Variants in CFAP20DC observed in about 807,000 individuals in gnomAD.
The protein encoded by CFAP20DC is CFAP20 domain containing, also known as protein CFAP20DC.
A neutral mutation model predicts 101.7 loss-of-function variants in CFAP20DC; 84 were observed. That is an observed-to-expected ratio of 0.83 (90% CI 0.69 to 0.99). The LOEUF is 0.99. Ranked by LOEUF, CFAP20DC falls within the 50% of genes least tolerant of loss-of-function variation. CFAP20DC has a pLI of 0.00. For missense variants in CFAP20DC, 1,007 were observed against 970.3 expected, an observed-to-expected ratio of 1.04 and a Z score of -0.50; for synonymous variants, 359 against 351.2, an observed-to-expected ratio of 1.02 and a Z score of -0.25.
At chr3:58,765,490 C>CAAAAAAAAAAAAAAAAAAAAAAAGAA (rs1337049385) in intron 15 of CFAP20DC, among the ~76,000 whole-genome samples, 1 of 81,828 alleles carries the variant, frequency 1.2e-5, no homozygotes, top group Non-Finnish European at 2.5e-5. Context: ...AAAAAAAAAC[C>CAAAAAAAAAAAAAAAAAAAAAAAGAA]AAAAAAAAAA....
intron 5 of CFAP20DC, among the ~76,000 whole-genome samples, chr3:58,935,777 G>A (rs1229664209): frequency 6.6e-5 from 10 of 152,178 alleles, no homozygotes; most frequent in African/African-American, 9.6e-5. Context: ...TTAATTCAAG[G>A]TGGATTAAAG....
intron 16 of CFAP20DC, among the ~76,000 whole-genome samples, chr3:58,745,992 TCATCA>T (rs1457760563): frequency 6.6e-6 from 1 of 152,184 alleles, no homozygotes; most frequent in Non-Finnish European, 1.5e-5. Context: ...GTTATCACCA[TCATCA>T]TGGAAAACAG....
chr3:58,852,500 C>A (rs1024711144), intron 12 of CFAP20DC, among the ~76,000 whole-genome samples: 1 of 152,076 alleles, frequency 6.6e-6, no homozygotes, highest in Non-Finnish European at 1.5e-5. Context: ...TAATAGACAT[C>A]TACAGAACTC....
chr3:58,936,053 C>T (rs1397393331), intron 5 of CFAP20DC, among the ~76,000 whole-genome samples: 3 of 152,054 alleles, frequency 2.0e-5, no homozygotes, highest in African/African-American at 7.2e-5. Flanking sequence ...CCAGAATCTA[C>T]AATGAACTCA....
chr3:58,725,669 G>A (rs989411488), intron 3 of CFAP20DC, among the ~76,000 whole-genome samples: 1 of 152,232 alleles, frequency 6.6e-6, no homozygotes, highest in African/African-American at 2.4e-5. Flanking sequence ...CTGGTTGGCT[G>A]AGTCATTGTG....
chr3:58,756,549 CT>C (rs2068972563), intron 15 of CFAP20DC, among the ~76,000 whole-genome samples: 1 of 151,828 alleles, frequency 6.6e-6, no homozygotes, highest in African/African-American at 2.4e-5. Flanking sequence ...ATTTTTATTA[CT>C]TTTGTTGTTG....
At chr3:59,011,270 T>C (rs899200664) in intron 4 of CFAP20DC, among the ~76,000 whole-genome samples, 5 of 151,892 alleles carry the variant, frequency 3.3e-5, no homozygotes, top group African/African-American at 1.2e-4. Flanking sequence ...TAGTGGTGCA[T>C]ACCTGTAGTC....
At chr3:58,833,731 G>A (rs770534457) in intron 13 of CFAP20DC, among the ~76,000 whole-genome samples, 8 of 152,120 alleles carry the variant, frequency 5.3e-5, no homozygotes, top group Non-Finnish European at 8.8e-5. Flanking sequence ...CATATACCAA[G>A]AAAACTGAAA....
At chr3:58,762,405 T>C (rs1038262620) in intron 15 of CFAP20DC, among the ~76,000 whole-genome samples, 2 of 152,152 alleles carry the variant, frequency 1.3e-5, no homozygotes, top group East Asian at 3.9e-4. Flanking sequence ...TCTCCCTCCA[T>C]CCTTTTATTT....
Position 58,862,953 on chromosome 3 carries a change from T to A in CFAP20DC, c.1593+605A>T, listed in dbSNP as rs1251017673. On this transcript the variant is annotated intron_variant, in intron 12 of 16. Coordinates refer to ENST00000482387, the MANE Select transcript of CFAP20DC (RefSeq NM_001394063.1). Reference sequence around the variant, plus strand: ...AGTTTGATTTGAAACATTTTAAAACTTTTTACGAATTTGCTAATTTATAGG... The same window carrying A: ...AGTTTGATTTGAAACATTTTAAAACATTTTACGAATTTGCTAATTTATAGG... 5.1e-6 allele frequency: 5 copies of A among 973,684 alleles called. No homozygotes were observed. In the South Asian group the frequency reaches 1.9e-4, roughly 37 times the overall value. 60.3% of individuals were successfully genotyped at this position (973,684 alleles called of 1,614,324 possible).
chr3:58,757,410 T>C (rs1305477816), intron 15 of CFAP20DC, among the ~76,000 whole-genome samples: 1 of 152,092 alleles, frequency 6.6e-6, no homozygotes, highest in East Asian at 1.9e-4. Context: ...ATGTGCCATA[T>C]ATATGATTGT....
intron 12 of CFAP20DC, among the ~76,000 whole-genome samples, chr3:58,852,476 G>T (rs902518553): frequency 6.6e-6 from 1 of 151,874 alleles, no homozygotes; most frequent in Non-Finnish European, 1.5e-5. Context: ...ACTCAGCTCT[G>T]CACCAAGCGG....
chr3:58,854,950 C>T (rs1477933903), intron 12 of CFAP20DC, among the ~76,000 whole-genome samples: 4 of 144,880 alleles, frequency 2.8e-5, no homozygotes, highest in Non-Finnish European at 6.0e-5. Flanking sequence ...TCTAAAACAC[C>T]AAAAGCAATG....
At chr3:58,820,988 C>G (rs888126780) in intron 14 of CFAP20DC, among the ~76,000 whole-genome samples, 5 of 151,382 alleles carry the variant, frequency 3.3e-5, no homozygotes, top group Non-Finnish European at 7.4e-5. Context: ...GAAATAACGC[C>G]ACATATCTAC....
intron 6 of CFAP20DC, among the ~76,000 whole-genome samples, chr3:58,909,553 T>C (rs570412553): frequency 6.6e-6 from 1 of 152,290 alleles, no homozygotes; most frequent in East Asian, 1.9e-4. Context: ...GATACATTTT[T>C]TTCCTGGAAA....
At chr3:58,930,266 C>G (rs550625759) in intron 5 of CFAP20DC, among the ~76,000 whole-genome samples, 1 of 152,282 alleles carries the variant, frequency 6.6e-6, no homozygotes, top group Non-Finnish European at 1.5e-5. Flanking sequence ...CTCACTAACC[C>G]TAATCTGGAT....
intron 4 of CFAP20DC, among the ~76,000 whole-genome samples, chr3:58,986,119 A>G (rs1299321042): frequency 6.6e-6 from 1 of 152,220 alleles, no homozygotes; most frequent in African/African-American, 2.4e-5. Context: ...TGCTACAAAT[A>G]CATAGTCTGC....
intron 12 of CFAP20DC, among the ~76,000 whole-genome samples, chr3:58,849,874 A>G: frequency 6.6e-6 from 1 of 152,210 alleles, no homozygotes; most frequent in South Asian, 2.1e-4. Flanking sequence ...AAGTGGGTCT[A>G]GGGAAGCATT....
Position 59,039,627 on chromosome 3 carries a change from C to T in CFAP20DC, c.208G>A (p.Gly70Arg), listed in dbSNP as rs1457235890. 7 of 1,518,096 alleles carry T rather than the reference C, an allele frequency of 4.6e-6. No individual in the cohort carries two copies. The highest frequency in any genetic ancestry group is 6.2e-6 in the Non-Finnish European group (7 of 1,133,976). The allele number at this position is 1,518,096 out of a possible 1,614,324, so 94.0% of individuals were successfully genotyped here. ...AGTACAAGAAACCTCTGGATCAATC[C>T]AACTAGAATGAAGAGGAAATACACA... ...QLPKENKQSL[G>R]LIQRFLVLQI... The change falls in exon 4 of 17, where the codon GGA becomes AGA. Residue 70 changes from glycine (G) to arginine (R), a missense_variant and splice_region_variant. Coordinates refer to ENST00000482387, the MANE Select transcript of CFAP20DC (RefSeq NM_001394063.1).
Sources: gnomAD v4.1 joint callset for allele counts (sites outside exome capture counted in the v4.1 genomes callset) on GRCh38, gnomAD v4.1.1 for gene constraint, MANE v1.5 for transcripts, NCBI Gene and HGNC (gene_info 2026-07-23, HGNC 2026-07-21) for gene names.